Variants in PBRM1 observed in about 807,000 individuals in gnomAD.
PBRM1 encodes protein polybromo-1.
PBRM1 carries 27 observed loss-of-function variants against 194.5 expected under a neutral mutation model. The observed-to-expected ratio is 0.14, with a 90% CI of 0.10 to 0.19. The LOEUF is 0.19. Among genes scored for constraint, PBRM1 ranks in the 10% least tolerant of loss-of-function variants. PBRM1 has a pLI of 1.00. For missense variants in PBRM1, 1,466 were observed against 2,077.2 expected, an observed-to-expected ratio of 0.71 and a Z score of 5.72; for synonymous variants, 655 against 693.2, an observed-to-expected ratio of 0.94 and a Z score of 0.87.
intron 3 of PBRM1, among the ~76,000 whole-genome samples, chr3:52,663,080 A>G (rs1483220867): frequency 2.6e-5 from 4 of 152,232 alleles, no homozygotes; most frequent in African/African-American, 9.6e-5. Context: ...CAAAAAATAA[A>G]ATAAAACTTT....
intron 17 of PBRM1, among the ~76,000 whole-genome samples, chr3:52,591,989 G>A (rs1197090459): frequency 4.7e-5 from 7 of 147,576 alleles, no homozygotes; most frequent in Non-Finnish European, 8.9e-5. Context: ...ACCATGCCCG[G>A]CTAATTTTTG....
intron 26 of PBRM1, among the ~76,000 whole-genome samples, chr3:52,556,014 A>C (rs779575314): frequency 3.7e-4 from 56 of 152,330 alleles, no homozygotes; most frequent in Non-Finnish European, 7.6e-4. Context: ...CTTTGGTCAC[A>C]GCTTCTTGCA....
At position 52,664,412 on chromosome 3, in the gene PBRM1, G is replaced by GAAAAAA. The variant is rs58727570; in HGVS notation, c.385-2142_385-2137dup. 2.2e-4 allele frequency among the ~76,000 whole-genome samples: 22 copies of GAAAAAA among 101,146 alleles called. 2 individuals are homozygous for GAAAAAA. The highest frequency in any genetic ancestry group is 3.1e-4 in the Non-Finnish European group (16 of 51,790). The allele number at this position is 101,146 out of a possible 152,430, so 66.4% of individuals were successfully genotyped here. A position where few individuals can be genotyped will look rare whatever the true frequency, so the allele number is the denominator to read the frequency against. The stretch of plus-strand genomic sequence containing the variant: ...TTTCACCAAGAAAATTGAAAGAACT[G>GAAAAAA]AAAAAAAAAAAAAAAAAAGATTATC... On this transcript the variant is annotated intron_variant, in intron 3 of 29. Transcript: ENST00000296302.
At chr3:52,568,650 T>C (rs2086092720) in intron 22 of PBRM1, among the ~76,000 whole-genome samples, 1 of 152,218 alleles carries the variant, frequency 6.6e-6, no homozygotes. Flanking sequence ...GGGATATGGC[T>C]ACAATTTTAT....
At chr3:52,646,894 G>C (rs534344486) in intron 7 of PBRM1, among the ~76,000 whole-genome samples, 162 of 151,910 alleles carry the variant, frequency 1.1e-3, no homozygotes, top group African/African-American at 3.6e-3. Context: ...AGCAACCAAA[G>C]AAAAAAATAG....
intron 25 of PBRM1, chr3:52,560,462 G>T (rs1205645180): frequency 6.6e-6 from 1 of 151,984 alleles, no homozygotes; most frequent in African/African-American, 2.4e-5. Context: ...AGTTCTTTAG[G>T]GTATTCATAG....
chr3:52,553,599 C>T (rs1377506413), intron 27 of PBRM1, among the ~76,000 whole-genome samples: 1 of 151,060 alleles, frequency 6.6e-6, no homozygotes, highest in Non-Finnish European at 1.5e-5. Flanking sequence ...AGGTAATTCT[C>T]CCACCTCAGC....
intron 13 of PBRM1, 115 bp from the exon 16 acceptor site, chr3:52,617,653 TA>T: frequency 2.7e-6 from 2 of 743,036 alleles, no homozygotes; most frequent in South Asian, 2.0e-5. Flanking sequence ...GATTACAATT[TA>T]TTGATTACAT....
intron 13 of PBRM1, among the ~76,000 whole-genome samples, chr3:52,618,775 G>A (rs2095116454): frequency 6.6e-6 from 1 of 151,260 alleles, no homozygotes; most frequent in Non-Finnish European, 1.5e-5. Context: ...TTTTGAGATG[G>A]AGTTTCACTC....
At chr3:52,645,736 C>G (rs940249528) in intron 7 of PBRM1, among the ~76,000 whole-genome samples, 1 of 151,976 alleles carries the variant, frequency 6.6e-6, no homozygotes, top group African/African-American at 2.4e-5. Context: ...TGTGGATAGA[C>G]TGAACAAAGG....
intron 24 of PBRM1, among the ~76,000 whole-genome samples, 180 bp from the exon 27 acceptor site, chr3:52,562,148 C>T (rs1223358709): frequency 2.2e-5 from 3 of 137,124 alleles, no homozygotes; most frequent in South Asian, 2.3e-4. Context: ...AGTGAAACCC[C>T]GTTTCTACTA....
At position 52,603,815 on chromosome 3, in the gene PBRM1, C is replaced by A. The variant is rs565227486; in HGVS notation, c.2568-83G>T. ...ATTATATGTTAAATTCTATTAAATG[C>A]TTCTTTAATTGATATAGTGGTATTT... On this transcript the variant is annotated intron_variant, in intron 16 of 29. Coordinates refer to ENST00000296302, the Ensembl canonical transcript of PBRM1. 13 of 1,163,322 alleles carry A rather than the reference C, an allele frequency of 1.1e-5. No individual in the cohort carries two copies. The African/African-American group carries it at 1.2e-4, about 11-fold the overall frequency. The allele number at this position is 1,163,322 out of a possible 1,614,324, so 72.1% of individuals were successfully genotyped here.
intron 2 of PBRM1, among the ~76,000 whole-genome samples, chr3:52,669,787 C>T (rs1486300393): frequency 6.6e-6 from 1 of 152,098 alleles, no homozygotes; most frequent in East Asian, 1.9e-4. Context: ...CCCATCACGC[C>T]TGATAATTTA....
intron 17 of PBRM1, among the ~76,000 whole-genome samples, chr3:52,602,454 T>C (rs1489529890): frequency 6.6e-6 from 1 of 152,226 alleles, no homozygotes; most frequent in Non-Finnish European, 1.5e-5. Context: ...TGGATTCTGC[T>C]CTTCACCAGG....
Position 52,587,220 on chromosome 3 carries a change from T to C in PBRM1, c.3123+133A>G, listed in dbSNP as rs573341805. 443 of 665,836 alleles carry C rather than the reference T, an allele frequency of 6.7e-4. 1 individual carries two copies. Among genetic ancestry groups the C allele is most frequent in the Admixed American group, 1.1e-3 (32 of 30,216 alleles). The allele number at this position is 665,836 out of a possible 1,614,324, so 41.2% of individuals were successfully genotyped here. On this transcript the variant is annotated intron_variant, in intron 19 of 29. Coordinates refer to ENST00000296302, the Ensembl canonical transcript of PBRM1. Reference sequence around the variant, plus strand: ...TAATTTCTTCCCAAATCTTTTCATATAGCTATATAGACACGGCTTAAAAAA... The same window carrying C: ...TAATTTCTTCCCAAATCTTTTCATACAGCTATATAGACACGGCTTAAAAAA...
chr3:52,628,864 A>G, intron 12 of PBRM1, 30 bp downstream of exon 13: 4 of 1,606,578 alleles, frequency 2.5e-6, no homozygotes, highest in Non-Finnish European at 3.4e-6. Flanking sequence ...TCATATATAC[A>G]ACAAACTCAG....
intron 16 of PBRM1, among the ~76,000 whole-genome samples, chr3:52,604,142 G>A (rs1054428165): frequency 3.9e-5 from 6 of 152,178 alleles, no homozygotes; most frequent in African/African-American, 1.2e-4. Context: ...ATAGCAGACC[G>A]ATGTGTTACA....
downstream of PBRM1, chr3:52,545,850 A>ATT: frequency 4.3e-6 from 1 of 231,748 alleles, no homozygotes; most frequent in Non-Finnish European, 8.5e-6. Flanking sequence ...TCTTGAGTCA[A>ATT]TTTTTTTTTC....
At chr3:52,590,762 T>C (rs1462884523) in intron 17 of PBRM1, among the ~76,000 whole-genome samples, 3 of 152,170 alleles carry the variant, frequency 2.0e-5, no homozygotes, top group African/African-American at 7.2e-5. Flanking sequence ...CGTGCCTGGC[T>C]ATCTAAATTT....
Sources: gnomAD v4.1 joint callset for allele counts (sites outside exome capture counted in the v4.1 genomes callset) on GRCh38, gnomAD v4.1.1 for gene constraint, MANE v1.5 for transcripts, NCBI Gene and HGNC (gene_info 2026-07-23, HGNC 2026-07-21) for gene names.